DPP6: variants seen among roughly 807,000 people sequenced by gnomAD.
The protein encoded by DPP6 is dipeptidyl peptidase like 6, also known as A-type potassium channel modulatory protein DPP6.
Under a neutral mutation model 122.6 loss-of-function variants are expected in DPP6, and 69 were observed. The ratio of observed to expected loss-of-function variants is 0.56; its 90% CI spans 0.46 to 0.69. DPP6 has a LOEUF of 0.69. DPP6 is among the 30% of genes least tolerant of loss of function. DPP6 has a pLI of 0.00. For synonymous variants in DPP6, 418 were observed against 433.1 expected (o/e 0.97, Z 0.43); for missense variants, 928 against 1,116.9 (o/e 0.83, Z 2.41).
At chr7:154,122,859 A>T (rs551317559) in intron 1 of DPP6, among the ~76,000 whole-genome samples, 2 of 152,328 alleles carry the variant, frequency 1.3e-5, no homozygotes, top group East Asian at 3.9e-4. Flanking sequence ...GCGCCCTTTG[A>T]CCATCACCCT....
At chr7:154,807,771 G>A (rs1798791415) in intron 16 of DPP6, among the ~76,000 whole-genome samples, 1 of 152,112 alleles carries the variant, frequency 6.6e-6, no homozygotes, top group Non-Finnish European at 1.5e-5. Context: ...GCAGTGAGCT[G>A]AGATCGCACC....
intron 1 of DPP6, among the ~76,000 whole-genome samples, chr7:154,019,803 G>C (rs562061940): frequency 6.6e-6 from 1 of 152,276 alleles, no homozygotes; most frequent in African/African-American, 2.4e-5. Context: ...CCCAACCTTT[G>C]TAAAATCTTT....
At chr7:154,569,479 C>T (rs1185860183) in intron 5 of DPP6, among the ~76,000 whole-genome samples, 1 of 151,952 alleles carries the variant, frequency 6.6e-6, no homozygotes, top group African/African-American at 2.4e-5. Context: ...GGTATTACAA[C>T]ATGTGATTCC....
intron 7 of DPP6, among the ~76,000 whole-genome samples, chr7:154,681,986 A>T: frequency 6.6e-6 from 1 of 152,218 alleles, no homozygotes; most frequent in Non-Finnish European, 1.5e-5. Flanking sequence ...CATTGTGCAG[A>T]GTGTAGGTTC....
intron 1 of DPP6, among the ~76,000 whole-genome samples, chr7:154,398,787 A>G (rs972257227): frequency 6.6e-6 from 1 of 152,250 alleles, no homozygotes; most frequent in East Asian, 1.9e-4. Context: ...TGTTTTGCAG[A>G]CCTTGTTCAT....
intron 1 of DPP6, among the ~76,000 whole-genome samples, chr7:154,225,928 G>C (rs1800573054): frequency 6.6e-6 from 1 of 151,518 alleles, no homozygotes; most frequent in Non-Finnish European, 1.5e-5. Flanking sequence ...CACAGTTTTG[G>C]TCCCACTACC....
At position 154,540,438 on chromosome 7, in the gene DPP6, G is replaced by A. The variant is rs187781344; in HGVS notation, c.458-94G>A. The A allele has an allele frequency of 1.0e-5, 8 of 782,522 alleles. No homozygotes were observed. In the African/African-American group the frequency reaches 1.4e-4, roughly 14 times the overall value. The allele number at this position is 782,522 out of a possible 1,614,324, so 48.5% of individuals were successfully genotyped here. A position where few individuals can be genotyped will look rare whatever the true frequency, so the allele number is the denominator to read the frequency against. The stretch of plus-strand genomic sequence containing the variant: ...TGAGTGGGAGCCTATCTTTTTTTCA[G>A]AACTAGTGATTTTACTTTACATAAG... On this transcript the variant is annotated intron_variant, in intron 3 of 25. Coordinates refer to ENST00000377770, the MANE Select transcript of DPP6 (RefSeq NM_130797.4).
chr7:153,983,447 C>G (rs1463108915), intron 1 of DPP6, among the ~76,000 whole-genome samples: 2 of 152,186 alleles, frequency 1.3e-5, no homozygotes, highest in Non-Finnish European at 2.9e-5. Flanking sequence ...TGCTGGCAGC[C>G]AGAACTTTAA....
At chr7:154,407,689 T>A (rs1238699098) in intron 1 of DPP6, among the ~76,000 whole-genome samples, 7 of 152,222 alleles carry the variant, frequency 4.6e-5, no homozygotes, top group African/African-American at 1.7e-4. Context: ...AAAAGAAGAC[T>A]TAGACCCTAA....
intron 10 of DPP6, among the ~76,000 whole-genome samples, chr7:154,783,384 T>C (rs928492410): frequency 2.0e-5 from 3 of 152,146 alleles, no homozygotes; most frequent in Middle Eastern, 3.2e-3. Context: ...AGTACAGTCA[T>C]GGTGGTGCCA....
intron 12 of DPP6, chr7:154,796,180 T>C (rs1451062596): frequency 9.9e-6 from 4 of 403,102 alleles, no homozygotes; most frequent in Non-Finnish European, 1.3e-5. Flanking sequence ...CCTTGCTGAA[T>C]TGAAAATGAA....
chr7:154,310,164 G>C (rs1461448148), intron 1 of DPP6, among the ~76,000 whole-genome samples: 1 of 152,246 alleles, frequency 6.6e-6, no homozygotes, highest in African/African-American at 2.4e-5. Context: ...GGGAACACCA[G>C]AGTGGGTCCT....
At chr7:154,591,501 C>A (rs6974839) in intron 5 of DPP6, among the ~76,000 whole-genome samples, 5 of 152,038 alleles carry the variant, frequency 3.3e-5, no homozygotes, top group African/African-American at 9.6e-5. Context: ...ATCATGATCC[C>A]AGGAGGACTT....
intron 1 of DPP6, among the ~76,000 whole-genome samples, chr7:154,254,635 A>G (rs1802546196): frequency 6.6e-6 from 1 of 152,102 alleles, no homozygotes; most frequent in African/African-American, 2.4e-5. Context: ...GAGTGATTTC[A>G]CCAAGGAGGG....
chr7:153,858,274 G>A, the DPP6 span, among the ~76,000 whole-genome samples: 1 of 152,148 alleles, frequency 6.6e-6, no homozygotes, highest in Non-Finnish European at 1.5e-5. Context: ...TGACACAGAT[G>A]ACTGTATCCA....
chr7:154,814,492 G>T (rs912999028), intron 16 of DPP6, among the ~76,000 whole-genome samples: 2 of 152,140 alleles, frequency 1.3e-5, no homozygotes, highest in African/African-American at 4.8e-5. Context: ...AGCTGTCTTA[G>T]ATGACTGGGG....
At chr7:153,761,371 G>C in the DPP6 span, among the ~76,000 whole-genome samples, 1 of 152,144 alleles carries the variant, frequency 6.6e-6, no homozygotes, top group Non-Finnish European at 1.5e-5. Context: ...TGAATATATT[G>C]AATAAGTTAA....
the DPP6 span, among the ~76,000 whole-genome samples, chr7:153,762,469 T>C: frequency 6.6e-6 from 1 of 152,146 alleles, no homozygotes; most frequent in Non-Finnish European, 1.5e-5. Context: ...ACTTATCTTC[T>C]AAGGGATTAA....
At chr7:154,254,386 A>G (rs1027371381) in intron 1 of DPP6, among the ~76,000 whole-genome samples, 32 of 152,306 alleles carry the variant, frequency 2.1e-4, no homozygotes, top group African/African-American at 7.0e-4. Context: ...AGGTAGGCTT[A>G]CTTTGTTTAT....
Sources: allele counts gnomAD v4.1 joint callset (sites outside exome capture counted in the v4.1 genomes callset), GRCh38; gene constraint gnomAD v4.1.1; transcripts MANE v1.5; gene names NCBI Gene and HGNC (gene_info 2026-07-23, HGNC 2026-07-21).